GABRB3: variants seen among roughly 807,000 people sequenced by gnomAD.
GABRB3 encodes gamma-aminobutyric acid type A receptor subunit beta3.
GABRB3 carries 14 observed loss-of-function variants against 52.1 expected under a neutral mutation model. The observed-to-expected ratio is 0.27, with a 90% CI of 0.18 to 0.42. The LOEUF (loss-of-function observed/expected upper bound fraction) is 0.42. Among genes scored for constraint, GABRB3 ranks in the 10% least tolerant of loss-of-function variants. The probability of loss-of-function intolerance (pLI) is 1.00; values close to 1 mark genes in which losing one functional copy is unlikely to be tolerated. For synonymous variants in GABRB3, 260 were observed against 232.3 expected (o/e 1.12, Z -1.08); for missense variants, 307 against 609.1 (o/e 0.50, Z 5.22).
chr15:26,691,446 A>C (rs1888585626), intron 3 of GABRB3, among the ~76,000 whole-genome samples: 1 of 152,172 alleles, frequency 6.6e-6, no homozygotes, highest in Non-Finnish European at 1.5e-5. Context: ...CCCTATTAGC[A>C]TCCCTTCCAT....
intron 3 of GABRB3, among the ~76,000 whole-genome samples, chr15:26,747,550 G>A (rs1167744619): frequency 6.6e-6 from 1 of 152,156 alleles, no homozygotes; most frequent in Non-Finnish European, 1.5e-5. Context: ...AGATGTGATT[G>A]ATTTTTGTGT....
intron 4 of GABRB3, among the ~76,000 whole-genome samples, chr15:26,601,068 T>G (rs1332761262): frequency 6.6e-6 from 1 of 152,090 alleles, no homozygotes; most frequent in Non-Finnish European, 1.5e-5. Context: ...GTATAAGATG[T>G]TCTACGTAAG....
intron 6 of GABRB3, among the ~76,000 whole-genome samples, chr15:26,577,420 G>A (rs377667309): frequency 3.1e-4 from 47 of 152,256 alleles, no homozygotes; most frequent in African/African-American, 1.0e-3. Context: ...GGCTGAGGCA[G>A]GAGAATCGCT....
In GABRB3 at chr15:26,761,681, A is replaced by G. The variant is rs1053996904; in HGVS notation, c.240+10721T>C. ...CACTGCCTGTTTCCTCTGCTGCCAC[A>G]GCCCCCAGGAGGAATCTCCAGGTAT... is the stretch of plus-strand genomic sequence containing the variant. On this transcript the variant is annotated intron_variant, in intron 3 of 8. Coordinates refer to ENST00000311550, the MANE Select transcript of GABRB3 (RefSeq NM_000814.6). Among the ~76,000 whole-genome samples the G allele has an allele frequency of 3.0e-4, 46 of 152,250 alleles. 1 individual carries two copies. The highest frequency in any genetic ancestry group is 1.1e-3 in the African/African-American group (45 of 41,560).
At chr15:26,561,644 G>A (rs536573227) in intron 7 of GABRB3, among the ~76,000 whole-genome samples, 2 of 152,364 alleles carry the variant, frequency 1.3e-5, no homozygotes, top group African/African-American at 4.8e-5. Context: ...GGCTATGAGC[G>A]AGAGCTCAGT....
At chr15:26,752,804 G>A (rs987532088) in intron 3 of GABRB3, among the ~76,000 whole-genome samples, 2 of 152,066 alleles carry the variant, frequency 1.3e-5, no homozygotes, top group Non-Finnish European at 2.9e-5. Flanking sequence ...ACGCTGTACA[G>A]TAGCTCTCCA....
At position 26,621,248 on chromosome 15, in the gene GABRB3, C is replaced by T; in HGVS notation, c.461+66G>A. 8.4e-7 allele frequency: 1 copy of T among 1,186,808 alleles called. No individual in the cohort carries two copies. The highest frequency in any genetic ancestry group is 1.3e-6 in the Non-Finnish European group (1 of 791,718). 73.5% of individuals were successfully genotyped at this position (1,186,808 alleles called of 1,614,324 possible). A position where few individuals can be genotyped will look rare whatever the true frequency, so the allele number is the denominator to read the frequency against. On this transcript the variant is annotated intron_variant, in intron 4 of 8. Transcript: ENST00000311550. The surrounding 1 kb of genome is among the most constrained non-coding windows in gnomAD (Gnocchi z 4.1). The stretch of plus-strand genomic sequence containing the variant: ...ATTGCCTCACTTACAATAATCATCT[C>T]AAGTGAGATATTCAACACCCATGCA...
intron 3 of GABRB3, among the ~76,000 whole-genome samples, chr15:26,711,953 G>T (rs143238525): frequency 1.1e-3 from 166 of 152,302 alleles, no homozygotes; most frequent in African/African-American, 3.8e-3. Context: ...TTTTAGTATC[G>T]ATCTGAGTAC....
intron 3 of GABRB3, among the ~76,000 whole-genome samples, chr15:26,632,285 C>T (rs1019940835): frequency 6.6e-6 from 1 of 152,232 alleles, no homozygotes; most frequent in African/African-American, 2.4e-5. Context: ...GCTTTTCAGC[C>T]TTTATACCTG....
chr15:26,570,057 T>A (rs117450879), intron 6 of GABRB3, among the ~76,000 whole-genome samples: 1,882 of 152,350 alleles, frequency 0.012, 20 homozygotes, highest in Middle Eastern at 0.031. Flanking sequence ...TGTAATGGCT[T>A]TGAGTGGAGG....
At chr15:26,742,548 A>G (rs1890236938) in intron 3 of GABRB3, among the ~76,000 whole-genome samples, 1 of 152,204 alleles carries the variant, frequency 6.6e-6, no homozygotes, top group African/African-American at 2.4e-5. Context: ...TAATGTTTTC[A>G]CCCAACACCT....
intron 6 of GABRB3, among the ~76,000 whole-genome samples, chr15:26,577,394 T>A (rs974040722): frequency 3.3e-5 from 5 of 152,100 alleles, no homozygotes; most frequent in Non-Finnish European, 7.4e-5. Flanking sequence ...GTGCTTGCAA[T>A]TCCAGCTACT....
rs148047581 is a variant in GABRB3, at chr15:26,765,445, CTAAAG to C, written c.240+6952_240+6956del. 2.0e-3 allele frequency among the ~76,000 whole-genome samples: 303 copies of C among 152,256 alleles called. 1 individual carries two copies. The highest frequency in any genetic ancestry group is 6.4e-3 in the African/African-American group (266 of 41,556). On this transcript the variant is annotated intron_variant, in intron 3 of 8. Transcript: ENST00000311550. The stretch of plus-strand genomic sequence containing the variant: ...ACAAATTATGGTTGAATTATGTCCT[CTAAAG>C]TAAACACTGTATACATCACATTTAG...
chr15:26,604,446 T>C (rs1371126985), intron 4 of GABRB3, among the ~76,000 whole-genome samples: 2 of 152,044 alleles, frequency 1.3e-5, no homozygotes, highest in African/African-American at 4.8e-5. Context: ...CATAAGAAGC[T>C]CAGAATAGCC....
intron 3 of GABRB3, among the ~76,000 whole-genome samples, chr15:26,630,032 CACG>C (rs1475201554): frequency 6.6e-6 from 1 of 152,098 alleles, no homozygotes; most frequent in Non-Finnish European, 1.5e-5. Flanking sequence ...CGCAACCCTC[CACG>C]ACCTCTGCCA....
At chr15:26,686,031 G>A (rs922688722) in intron 3 of GABRB3, among the ~76,000 whole-genome samples, 2 of 152,000 alleles carry the variant, frequency 1.3e-5, no homozygotes, top group African/African-American at 2.4e-5. Context: ...GGCTGGTCTC[G>A]AATTCCTGGC....
intron 4 of GABRB3, among the ~76,000 whole-genome samples, chr15:26,594,431 C>G (rs1165407175): frequency 6.6e-6 from 1 of 152,040 alleles, no homozygotes; most frequent in Non-Finnish European, 1.5e-5. Context: ...TATTTCTTGT[C>G]AAGTTTAATC....
chr15:26,749,440 A>T (rs1008816975), intron 3 of GABRB3, among the ~76,000 whole-genome samples: 3 of 152,182 alleles, frequency 2.0e-5, no homozygotes. Flanking sequence ...GACTCATGGT[A>T]TGGTTTATCT....
intron 3 of GABRB3, among the ~76,000 whole-genome samples, chr15:26,750,563 A>G (rs1486420875): frequency 6.6e-6 from 1 of 152,276 alleles, no homozygotes; most frequent in South Asian, 2.1e-4. Context: ...TTAAATAATA[A>G]GAATCGGGCA....
Sources: gnomAD v4.1 joint callset for allele counts (sites outside exome capture counted in the v4.1 genomes callset) on GRCh38, gnomAD v4.1.1 for gene constraint, Gnocchi (gnomAD v3.1) non-coding constraint, MANE v1.5 for transcripts, NCBI Gene and HGNC (gene_info 2026-07-23, HGNC 2026-07-21) for gene names.